The following SIPA1L2 variants were observed in gnomAD, a reference collection of about 807,000 sequenced individuals.
The protein encoded by SIPA1L2 is signal-induced proliferation-associated 1-like protein 2.
A neutral mutation model predicts 163.9 loss-of-function variants in SIPA1L2; 56 were observed. The ratio of observed to expected loss-of-function variants is 0.34; its 90% CI spans 0.28 to 0.43. The LOEUF is 0.43. SIPA1L2 is among the 20% of genes least tolerant of loss of function. SIPA1L2 has a pLI of 1.00. For synonymous variants in SIPA1L2, 877 were observed against 865.7 expected (o/e 1.01, Z -0.23); for missense variants, 1,974 against 2,193.5 (o/e 0.90, Z 2.00).
chr1:232,578,080 T>C (rs1660173287), intron 1 of SIPA1L2, among the ~76,000 whole-genome samples: 1 of 152,192 alleles, frequency 6.6e-6, no homozygotes. Context: ...TCAACAGCCA[T>C]CAACACTGAG....
intron 2 of SIPA1L2, among the ~76,000 whole-genome samples, chr1:232,542,271 T>C (rs1010358881): frequency 2.0e-5 from 3 of 152,220 alleles, no homozygotes; most frequent in South Asian, 2.1e-4. Flanking sequence ...ATACTCAACA[T>C]AGAGATACTG....
In SIPA1L2 at chr1:232,399,000, G is replaced by C. The variant is rs1304348558; in HGVS notation, c.*127C>G. ...GCTCCCTATCCTGCTGTGGTGAATG[G>C]TGCTACACAGAATGGAACAGCAAAA... On this transcript the variant is annotated 3_prime_UTR_variant, in exon 23 of 23. Coordinates refer to ENST00000674635, the MANE Select transcript of SIPA1L2 (RefSeq NM_020808.5). 7.6e-7 allele frequency: 1 copy of C among 1,321,558 alleles called. No homozygotes were observed. Among genetic ancestry groups the C allele is most frequent in the African/African-American group, 1.4e-5 (1 of 69,328 alleles). The allele number at this position is 1,321,558 out of a possible 1,614,324, so 81.9% of individuals were successfully genotyped here. A position where few individuals can be genotyped will look rare whatever the true frequency, so the allele number is the denominator to read the frequency against.
intron 3 of SIPA1L2, among the ~76,000 whole-genome samples, chr1:232,506,271 AG>A (rs1666727996): frequency 6.6e-6 from 1 of 152,230 alleles, no homozygotes; most frequent in Non-Finnish European, 1.5e-5. Context: ...CCTGGGAAGC[AG>A]GGGGGCATGC....
At chr1:232,575,962 T>C (rs903002609) in intron 1 of SIPA1L2, among the ~76,000 whole-genome samples, 1 of 152,176 alleles carries the variant, frequency 6.6e-6, no homozygotes, top group African/African-American at 2.4e-5. Context: ...ATATGAGGTA[T>C]GTAGAGTAAG....
Position 232,445,551 on chromosome 1 carries a change from G to C in SIPA1L2, c.3331C>G (p.Arg1111Gly). ...AAIPRSTSFDRKLPDGTRSSP... is the reference protein window; with the variant it reads ...AAIPRSTSFDGKLPDGTRSSP... Reference sequence around the variant, plus strand: ...TACCTCGTGCCATCGGGCAGCTTCCGGTCGAAGGAGGTGCTTCGAGGAATG... The same window carrying C: ...TACCTCGTGCCATCGGGCAGCTTCCCGTCGAAGGAGGTGCTTCGAGGAATG... Residue 1111 changes from arginine to glycine, a missense_variant, in exon 11 of 23, where the codon CGG becomes GGG. Arg to Gly is a moderately radical substitution (Grantham distance 125, BLOSUM62 -2). Transcript: ENST00000674635. 1 of 1,613,862 alleles carries C rather than the reference G, an allele frequency of 6.2e-7. No individual in the cohort carries two copies. The highest frequency in any genetic ancestry group is 8.5e-7 in the Non-Finnish European group (1 of 1,179,918).
rs1667144746 is a variant in SIPA1L2 at position 232,514,728 on chromosome 1, A to G, written c.612T>C (p.Ser204=). 1 of 1,614,086 alleles carries G rather than the reference A, an allele frequency of 6.2e-7. No individual in the cohort carries two copies. Among genetic ancestry groups the G allele is most frequent in the African/African-American group, 1.3e-5 (1 of 74,938 alleles). The change falls in exon 3 of 23, where the codon TCT becomes TCC. Residue 204 remains serine (S), a synonymous_variant. Transcript: ENST00000674635. Reference sequence around the variant, plus strand: ...TGAGCATAGCAAAAAAGTTTTCACCAGATAAGCCTTGCCTGTCGATGGATG... The same window carrying G: ...TGAGCATAGCAAAAAAGTTTTCACCGGATAAGCCTTGCCTGTCGATGGATG... ...STSSIDRQGL[S]GENFFAMLRG...
At chr1:232,616,965 G>GT (rs996134486) in intron 1 of SIPA1L2, among the ~76,000 whole-genome samples, 41 of 152,224 alleles carry the variant, frequency 2.7e-4, no homozygotes, top group African/African-American at 9.9e-4. Flanking sequence ...TTGAAAATCT[G>GT]TATTTTTTCA....
chr1:232,467,454 G>T (rs1558200540), intron 8 of SIPA1L2, among the ~76,000 whole-genome samples: 1 of 152,088 alleles, frequency 6.6e-6, no homozygotes, highest in Non-Finnish European at 1.5e-5. Flanking sequence ...ATTCTAGACT[G>T]GGAATTAATT....
intron 2 of SIPA1L2, among the ~76,000 whole-genome samples, chr1:232,571,361 T>C (rs1659718689): frequency 1.3e-5 from 2 of 152,234 alleles, no homozygotes; most frequent in Non-Finnish European, 2.9e-5. Context: ...TAGTACATAT[T>C]GAATAATTCA....
chr1:232,404,526 C>G (rs1047931916), intron 19 of SIPA1L2, among the ~76,000 whole-genome samples: 2 of 152,098 alleles, frequency 1.3e-5, no homozygotes, highest in African/African-American at 4.8e-5. Flanking sequence ...TCACTAGAAA[C>G]CCTTAAAGGA....
At chr1:232,600,032 G>T (rs1290069799) in intron 1 of SIPA1L2, among the ~76,000 whole-genome samples, 1 of 152,212 alleles carries the variant, frequency 6.6e-6, no homozygotes, top group Admixed American at 6.5e-5. Context: ...CCAGAACACG[G>T]GCACTAATCC....
At chr1:232,524,543 T>C (rs775866118) in intron 2 of SIPA1L2, among the ~76,000 whole-genome samples, 20 of 152,024 alleles carry the variant, frequency 1.3e-4, no homozygotes, top group Admixed American at 2.6e-4. Context: ...AGACTTATAA[T>C]AAGAAAATTA....
chr1:232,493,585 TC>T lies in SIPA1L2; in HGVS notation c.1558del (p.Asp520MetfsTer24). 1 of 1,614,160 alleles carries T rather than the reference TC, an allele frequency of 6.2e-7. No individual in the cohort carries two copies. The highest frequency in any genetic ancestry group is 8.5e-7 in the Non-Finnish European group (1 of 1,180,030). On this transcript the variant is annotated frameshift_variant, in exon 4 of 23. Coordinates refer to ENST00000674635, the MANE Select transcript of SIPA1L2 (RefSeq NM_020808.5). LOFTEE classifies it high-confidence loss of function. Reference sequence around the variant, plus strand: ...CTGGGATCCTTCTTTCTCCTTGGCATCTTCCACCTTCTCTCTCCGGATGCTG... The same window carrying T: ...CTGGGATCCTTCTTTCTCCTTGGCATTTCCACCTTCTCTCTCCGGATGCTG... Reference protein sequence around the residue: ...AVSIRREKVEDAKEKEGSQFN... With the variant: ...AVSIRREKVEXAKEKEGSQFN...
chr1:232,496,977 T>C (rs1490336101), intron 3 of SIPA1L2, among the ~76,000 whole-genome samples: 1 of 152,212 alleles, frequency 6.6e-6, no homozygotes, highest in South Asian at 2.1e-4. Context: ...TTTCAAATTA[T>C]TGTAGGGAGT....
At chr1:232,574,034 GA>G (rs1471574803) in intron 2 of SIPA1L2, among the ~76,000 whole-genome samples, 139 bp downstream of exon 2, 4 of 152,024 alleles carry the variant, frequency 2.6e-5, no homozygotes, top group Admixed American at 6.5e-5. Context: ...TGCTGTGGAA[GA>G]GTGACAAAAT....
chr1:232,525,039 A>T (rs1667628108), intron 2 of SIPA1L2, among the ~76,000 whole-genome samples: 1 of 152,162 alleles, frequency 6.6e-6, no homozygotes, highest in African/African-American at 2.4e-5. Context: ...TCTTCCTTGT[A>T]TAAAAAGAGG....
chr1:232,443,757 T>A, intron 11 of SIPA1L2, 72 bp from the exon 12 acceptor site: 1 of 1,156,652 alleles, frequency 8.6e-7, no homozygotes, highest in East Asian at 2.7e-5. Context: ...GCCTGTTTTG[T>A]TTCACAAATA....
chr1:232,581,176 T>C (rs1328754364), intron 1 of SIPA1L2, among the ~76,000 whole-genome samples: 3 of 152,346 alleles, frequency 2.0e-5, no homozygotes, highest in Admixed American at 6.5e-5. Context: ...GTTCTGGTTC[T>C]TGTAAGGAAC....
intron 1 of SIPA1L2, among the ~76,000 whole-genome samples, chr1:232,623,458 A>T (rs895948225): frequency 2.0e-5 from 3 of 152,132 alleles, no homozygotes; most frequent in Non-Finnish European, 4.4e-5. Context: ...ACAAAAAAAA[A>T]TTAGCTAGGC....
Sources: gnomAD v4.1 joint callset for allele counts (sites outside exome capture counted in the v4.1 genomes callset) on GRCh38, gnomAD v4.1.1 for gene constraint, MANE v1.5 for transcripts, NCBI Gene and HGNC (gene_info 2026-07-23, HGNC 2026-07-21) for gene names.